HMBOX1: variants seen among roughly 807,000 people sequenced by gnomAD.
HMBOX1 encodes the protein homeobox containing 1.
Under a neutral mutation model 54.5 loss-of-function variants are expected in HMBOX1, and 14 were observed. The observed-to-expected ratio is 0.26, with a 90% CI of 0.17 to 0.40. The LOEUF is 0.40. HMBOX1 is among the 10% of genes least tolerant of loss of function. The probability of loss-of-function intolerance (pLI) is 1.00; values close to 1 mark genes in which losing one functional copy is unlikely to be tolerated. For missense variants in HMBOX1, 332 were observed against 514.4 expected, an observed-to-expected ratio of 0.65 and a Z score of 3.43; for synonymous variants, 160 against 181.0, an observed-to-expected ratio of 0.88 and a Z score of 0.93.
At chr8:29,018,679 C>A in intron 5 of HMBOX1, 81 bp from the exon 6 acceptor site, 2 of 1,420,978 alleles carry the variant, frequency 1.4e-6, no homozygotes, top group South Asian at 1.3e-5. Context: ...GACCATACTT[C>A]CCTAGTCCCA....
Position 29,008,145 on chromosome 8 carries a change from G to A in HMBOX1, c.587-927G>A, listed in dbSNP as rs767087306. On this transcript the variant is annotated intron_variant, in intron 4 of 9. Coordinates refer to ENST00000287701, the MANE Select transcript of HMBOX1 (RefSeq NM_001135726.3). Reference sequence around the variant, plus strand: ...GTATAGGTAACCTTCTCTGGTAGCTGAATGGTCTTTTGGAAACTGCCTTGT... The same window carrying A: ...GTATAGGTAACCTTCTCTGGTAGCTAAATGGTCTTTTGGAAACTGCCTTGT... 8.6e-4 allele frequency among the ~76,000 whole-genome samples: 131 copies of A among 152,268 alleles called. 1 individual carries two copies. Among genetic ancestry groups the A allele is most frequent in the Non-Finnish European group, 1.6e-3 (108 of 68,020 alleles).
At chr8:29,034,543 A>G (rs1387642618) in intron 6 of HMBOX1, among the ~76,000 whole-genome samples, 1 of 152,208 alleles carries the variant, frequency 6.6e-6, no homozygotes, top group Non-Finnish European at 1.5e-5. Flanking sequence ...AAATGTTATC[A>G]GAATTAATTT....
At chr8:29,025,861 TA>T (rs1748946665) in intron 6 of HMBOX1, among the ~76,000 whole-genome samples, 1 of 152,146 alleles carries the variant, frequency 6.6e-6, no homozygotes, top group African/African-American at 2.4e-5. Context: ...CAAGCAGAAT[TA>T]ATACTATACC....
At chr8:29,033,909 T>C (rs921155220) in intron 6 of HMBOX1, among the ~76,000 whole-genome samples, 2 of 152,220 alleles carry the variant, frequency 1.3e-5, no homozygotes, top group Non-Finnish European at 2.9e-5. Flanking sequence ...GATCAACTTA[T>C]AGACGAATTG....
intron 2 of HMBOX1, among the ~76,000 whole-genome samples, chr8:28,967,055 A>T (rs1047675761): frequency 6.6e-6 from 1 of 152,204 alleles, no homozygotes; most frequent in Non-Finnish European, 1.5e-5. Flanking sequence ...TCTTCCTCCC[A>T]TGAACTAGCT....
intron 2 of HMBOX1, among the ~76,000 whole-genome samples, chr8:28,967,330 G>A (rs886339671): frequency 1.3e-5 from 2 of 152,232 alleles, no homozygotes; most frequent in East Asian, 1.9e-4. Flanking sequence ...TGGAATAAAA[G>A]TGGTTCTAAT....
chr8:28,894,916 A>G (rs1811790473), intron 1 of HMBOX1, among the ~76,000 whole-genome samples: 2 of 151,326 alleles, frequency 1.3e-5, no homozygotes, highest in Non-Finnish European at 2.9e-5. Context: ...ACAGATTCTT[A>G]GGCTATAGTT....
intron 1 of HMBOX1, among the ~76,000 whole-genome samples, chr8:28,919,971 T>TTGTGTGTGTGTGTGTGTGTGTGTGTG (rs5890431): frequency 6.7e-6 from 1 of 148,884 alleles, no homozygotes; most frequent in Non-Finnish European, 1.5e-5. Context: ...AAGTGAAGTT[T>TTGTGTGTGTGTGTGTGTGTGTGTGTG]TGTGTGTGTG....
chr8:29,008,968 T>C, intron 4 of HMBOX1, 104 bp from the exon 5 acceptor site: 2 of 790,224 alleles, frequency 2.5e-6, no homozygotes, highest in South Asian at 1.7e-5. Flanking sequence ...CCTTATGGAC[T>C]GGACACAGAG....
At chr8:28,922,670 T>A (rs1206538675) in intron 1 of HMBOX1, among the ~76,000 whole-genome samples, 3 of 152,172 alleles carry the variant, frequency 2.0e-5, no homozygotes, top group Non-Finnish European at 4.4e-5. Context: ...TCACCAGGCA[T>A]TAATTTTATG....
At chr8:29,016,552 C>T (rs1471793261) in intron 5 of HMBOX1, among the ~76,000 whole-genome samples, 1 of 152,188 alleles carries the variant, frequency 6.6e-6, no homozygotes, top group Non-Finnish European at 1.5e-5. Flanking sequence ...TTTATTATCT[C>T]ATAGTTTTCA....
At chr8:28,998,353 C>T (rs894780602) in intron 4 of HMBOX1, among the ~76,000 whole-genome samples, 7 of 152,008 alleles carry the variant, frequency 4.6e-5, no homozygotes, top group African/African-American at 1.7e-4. Context: ...GGTATATGTA[C>T]ATTTATAGTT....
At chr8:28,988,563 T>C (rs1244848842) in intron 4 of HMBOX1, among the ~76,000 whole-genome samples, 1 of 152,266 alleles carries the variant, frequency 6.6e-6, no homozygotes, top group Non-Finnish European at 1.5e-5. Flanking sequence ...GAATGAGGTC[T>C]TACTGCTCTG....
At chr8:28,938,501 C>T (rs994814589) in intron 1 of HMBOX1, among the ~76,000 whole-genome samples, 51 of 151,938 alleles carry the variant, frequency 3.4e-4, no homozygotes, top group South Asian at 2.1e-4. Flanking sequence ...TACAGTGGCA[C>T]GATCATAGAA....
chr8:28,909,061 C>G (rs555745670), intron 1 of HMBOX1, among the ~76,000 whole-genome samples: 1 of 150,042 alleles, frequency 6.7e-6, no homozygotes, highest in South Asian at 2.1e-4. Context: ...CACCACTACA[C>G]TCCAAGATGG....
chr8:28,935,848 A>G (rs1267920996), intron 1 of HMBOX1, among the ~76,000 whole-genome samples: 4 of 152,192 alleles, frequency 2.6e-5, no homozygotes, highest in Admixed American at 2.6e-4. Flanking sequence ...AGGAACCTCT[A>G]ATGTGTAATC....
chr8:28,968,428 A>C (rs1290262961), intron 2 of HMBOX1, among the ~76,000 whole-genome samples: 1 of 152,260 alleles, frequency 6.6e-6, no homozygotes. Context: ...GGAGTCAATA[A>C]GATCTAGGCT....
chr8:28,903,765 T>C (rs1813705499), intron 1 of HMBOX1, among the ~76,000 whole-genome samples: 1 of 152,238 alleles, frequency 6.6e-6, no homozygotes, highest in African/African-American at 2.4e-5. Context: ...CATTAAAAAT[T>C]GATGACTTAA....
At chr8:28,909,416 A>G (rs1301126710) in intron 1 of HMBOX1, among the ~76,000 whole-genome samples, 1 of 152,244 alleles carries the variant, frequency 6.6e-6, no homozygotes, top group Non-Finnish European at 1.5e-5. Context: ...CAGGAGATAT[A>G]TTAATTGGTC....
Sources: allele counts gnomAD v4.1 joint callset (sites outside exome capture counted in the v4.1 genomes callset), GRCh38; gene constraint gnomAD v4.1.1; transcripts MANE v1.5; gene names NCBI Gene and HGNC (gene_info 2026-07-23, HGNC 2026-07-21).